Variants in ATP11C observed in about 807,000 individuals in gnomAD.
ATP11C encodes the protein ATPase phospholipid transporting 11C (ATP11C blood group).
Under a neutral mutation model 97.4 loss-of-function variants are expected in ATP11C, and 36 were observed. The observed-to-expected ratio is 0.37, with a 90% CI of 0.28 to 0.49. The LOEUF is 0.49. Ranked by LOEUF, ATP11C falls within the 20% of genes least tolerant of loss-of-function variation. ATP11C has a pLI of 0.98. For synonymous variants in ATP11C, 275 were observed against 290.9 expected, an observed-to-expected ratio of 0.95 and a Z score of 0.56; for missense variants, 730 against 824.6, an observed-to-expected ratio of 0.89 and a Z score of 1.40.
At chrX:139,906,538 C>T (rs970531442) in intron 1 of ATP11C, among the ~76,000 whole-genome samples, 1 of 110,652 alleles carries the variant, frequency 9.0e-6, no homozygotes, top group Non-Finnish European at 1.9e-5. Context: ...AATCCCAGCA[C>T]TTTGGGAAGC....
intron 1 of ATP11C, among the ~76,000 whole-genome samples, chrX:139,842,319 A>G (rs957605469): frequency 1.2e-4 from 13 of 112,561 alleles, no homozygotes; most frequent in Admixed American, 2.8e-4. Context: ...AATTCCATAC[A>G]TGCCCTCCAA....
intron 5 of ATP11C, among the ~76,000 whole-genome samples, chrX:139,809,702 G>A (rs891500192): frequency 1.8e-5 from 2 of 111,636 alleles, no homozygotes; most frequent in African/African-American, 3.3e-5. Context: ...GGTGGCTCAT[G>A]CCTGTAATCC....
chrX:139,800,623 A>C (rs1292431227), intron 7 of ATP11C, among the ~76,000 whole-genome samples: 1 of 111,519 alleles, frequency 9.0e-6, no homozygotes, highest in Non-Finnish European at 1.9e-5. Flanking sequence ...GCTGGTCCTG[A>C]AACCACTCTT....
intron 1 of ATP11C, among the ~76,000 whole-genome samples, chrX:139,869,814 AATAAT>A (rs1473636796): frequency 3.0e-5 from 3 of 100,847 alleles, no homozygotes; most frequent in Non-Finnish European, 6.0e-5. Context: ...TAATAATAAT[AATAAT>A]ATAATATAAT....
At chrX:139,900,235 G>C (rs1750197131) in intron 1 of ATP11C, among the ~76,000 whole-genome samples, 2 of 110,095 alleles carry the variant, frequency 1.8e-5, no homozygotes, top group Non-Finnish European at 3.8e-5. Context: ...GGGGTGTGGT[G>C]GCATGCGCCT....
In ATP11C at chrX:139,736,370, G is replaced by A. The variant is rs1023838144; in HGVS notation, c.3288+1546C>T. Reference sequence around the variant, plus strand: ...TCATCTTTAGACCATGTAGCTGGGTGTGAGTCATTATTTAAAATGAGCTCC... The same window carrying A: ...TCATCTTTAGACCATGTAGCTGGGTATGAGTCATTATTTAAAATGAGCTCC... On this transcript the variant is annotated intron_variant, in intron 28 of 29. Coordinates refer to ENST00000682941, the MANE Select transcript of ATP11C (RefSeq NM_001353812.2). Among the ~76,000 whole-genome samples, 19 of 111,502 alleles carry A rather than the reference G, an allele frequency of 1.7e-4. No homozygotes were observed. The Admixed American group carries it at 1.8e-3, about 11-fold the overall frequency.
chrX:139,736,372 G>A (rs1019528899), intron 28 of ATP11C, among the ~76,000 whole-genome samples: 1 of 111,395 alleles, frequency 9.0e-6, no homozygotes, highest in African/African-American at 3.3e-5. Context: ...AGCTGGGTGT[G>A]AGTCATTATT....
intron 1 of ATP11C, among the ~76,000 whole-genome samples, chrX:139,884,638 A>G (rs894335217): frequency 8.9e-6 from 1 of 112,055 alleles, no homozygotes; most frequent in African/African-American, 3.2e-5. Context: ...GTACTTTTTA[A>G]AATTTTCCAA....
At chrX:139,876,503 C>T (rs2084476598) in intron 1 of ATP11C, among the ~76,000 whole-genome samples, 1 of 112,327 alleles carries the variant, frequency 8.9e-6, no homozygotes, top group South Asian at 3.7e-4. Flanking sequence ...AAGATCATCA[C>T]ATACTGTAGC....
chrX:139,758,005 C>T, intron 22 of ATP11C, 138 bp from the exon 23 acceptor site: 2 of 405,045 alleles, frequency 4.9e-6, no homozygotes, highest in Non-Finnish European at 8.4e-6. Context: ...ACCTCTATTC[C>T]ACAGACATAA....
Position 139,774,849 on chromosome X carries a change from T to C in ATP11C, c.2057A>G (p.Tyr686Cys), listed in dbSNP as rs138448381. 7.4e-5 allele frequency: 89 copies of C among 1,210,129 alleles called. No individual in the cohort carries two copies. In the African/African-American group the frequency reaches 1.2e-3, roughly 17 times the overall value. Reference protein sequence around the residue: ...DKMETAKSTCYACRLFQTNTE... With the variant: ...DKMETAKSTCCACRLFQTNTE... Reference sequence around the variant, plus strand: ...GTTGGTCTGGAAAAGGCGGCAGGCATAGCATGTGGATTTAGCTGTCTCCAT... The same window carrying C: ...GTTGGTCTGGAAAAGGCGGCAGGCACAGCATGTGGATTTAGCTGTCTCCAT... Residue 686 changes from tyrosine (Y) to cysteine (C), a missense_variant, in exon 19 of 30, where the codon TAT (tyrosine) becomes TGT (cysteine). Tyr to Cys is a radical substitution (Grantham distance 194). Coordinates refer to ENST00000682941, the MANE Select transcript of ATP11C (RefSeq NM_001353812.2).
rs1284280266 is a variant in ATP11C, at chrX:139,787,264, A to G, written c.1521-20T>C. On this transcript the variant is annotated intron_variant, in intron 14 of 29. Coordinates refer to ENST00000682941, the MANE Select transcript of ATP11C (RefSeq NM_001353812.2). Reference sequence around the variant, plus strand: ...CCGTACCTATCAAAAACAATAAAAAAGACCTTGTGTATCTCTAAAGAATGA... The same window carrying G: ...CCGTACCTATCAAAAACAATAAAAAGGACCTTGTGTATCTCTAAAGAATGA... 1 of 1,132,040 alleles carries G rather than the reference A, an allele frequency of 8.8e-7. No individual in the cohort carries two copies. The highest frequency in any genetic ancestry group is 1.2e-6 in the Non-Finnish European group (1 of 840,340). The allele number at this position is 1,132,040 out of a possible 1,213,427, so 93.3% of individuals were successfully genotyped here. A position where few individuals can be genotyped will look rare whatever the true frequency, so the allele number is the denominator to read the frequency against.
At chrX:139,901,818 C>T (rs746689920) in intron 1 of ATP11C, among the ~76,000 whole-genome samples, 1 of 110,972 alleles carries the variant, frequency 9.0e-6, no homozygotes, top group Non-Finnish European at 1.9e-5. Flanking sequence ...TTGTCTAAAA[C>T]GGGGAGATAA....
intron 1 of ATP11C, among the ~76,000 whole-genome samples, chrX:139,911,606 G>T (rs959712861): frequency 9.0e-6 from 1 of 111,350 alleles, no homozygotes; most frequent in Non-Finnish European, 1.9e-5. Context: ...GATTACGTAT[G>T]TGAGACTTCC....
intron 1 of ATP11C, among the ~76,000 whole-genome samples, chrX:139,921,351 C>T (rs1017407820): frequency 3.6e-5 from 4 of 111,043 alleles, no homozygotes; most frequent in Admixed American, 9.6e-5. Context: ...CGAGATCTGA[C>T]GGTTTCATAA....
At chrX:139,923,699 T>G (rs1415740040) in intron 1 of ATP11C, among the ~76,000 whole-genome samples, 1 of 112,196 alleles carries the variant, frequency 8.9e-6, no homozygotes, top group African/African-American at 3.2e-5. Flanking sequence ...TCTACCCAGC[T>G]GTTACTTACT....
rs139707944 is a variant in ATP11C, at chrX:139,770,549, G to C, written c.2217-2115C>G. Among the ~76,000 whole-genome samples the C allele has an allele frequency of 6.0e-3, 668 of 111,188 alleles. 2 individuals are homozygous for C. The highest frequency in any genetic ancestry group is 0.02 in the African/African-American group (612 of 30,579). ...ACTTAAAGATCATTCATCTGGCAGA[G>C]GGGCTTAAGGGATTTCATGCATGAT... On this transcript the variant is annotated intron_variant, in intron 19 of 29. Transcript: ENST00000682941.
At chrX:139,818,202 T>C (rs1324879089) in intron 3 of ATP11C, among the ~76,000 whole-genome samples, 1 of 112,177 alleles carries the variant, frequency 8.9e-6, no homozygotes, top group East Asian at 2.8e-4. Context: ...TAACTTACAC[T>C]GTATACCCAA....
chrX:139,916,207 T>G (rs2085153453), intron 1 of ATP11C, among the ~76,000 whole-genome samples: 1 of 91,164 alleles, frequency 1.1e-5, no homozygotes, highest in Non-Finnish European at 2.2e-5. Context: ...CCAGCCTGGG[T>G]AACAGAGCAA....
Sources: allele counts gnomAD v4.1 joint callset (sites outside exome capture counted in the v4.1 genomes callset), GRCh38; gene constraint gnomAD v4.1.1; transcripts MANE v1.5; gene names NCBI Gene and HGNC (gene_info 2026-07-23, HGNC 2026-07-21).